Variants in PLXNA4 observed in about 807,000 individuals in gnomAD.
The protein encoded by PLXNA4 is plexin A4, also known as plexin-A4.
PLXNA4 carries 44 observed loss-of-function variants against 191.8 expected under a neutral mutation model. The observed-to-expected ratio is 0.23, with a 90% CI of 0.18 to 0.29. PLXNA4 has a LOEUF of 0.29. Among genes scored for constraint, PLXNA4 ranks in the 10% least tolerant of loss-of-function variants. The pLI is 1.00. For synonymous variants in PLXNA4, 1,082 were observed against 1,009.5 expected (o/e 1.07, Z -1.36); for missense variants, 1,800 against 2,488.8 (o/e 0.72, Z 5.89).
Position 132,176,756 on chromosome 7 carries a change from G to A in PLXNA4, c.3875-1836C>T, listed in dbSNP as rs566951224. Among the ~76,000 whole-genome samples the A allele has an allele frequency of 8.5e-4, 130 of 152,240 alleles. 1 individual carries two copies. In the South Asian group the frequency reaches 0.019, roughly 22 times the overall value. On this transcript the variant is annotated intron_variant, in intron 20 of 31. Coordinates refer to ENST00000321063, the MANE Select transcript of PLXNA4 (RefSeq NM_020911.2). ...TATGTGTGTGAATGTGAGTGCCTGC[G>A]TGGGTGTGAGTGCATGAGTGTGTGT...
Position 132,394,052 on chromosome 7 carries a change from G to A in PLXNA4, c.1371+95240C>T, listed in dbSNP as rs376334700. ...CCTTCCCCAATCCTCTGACAGCCTG[G>A]GAGTTTGCCTGGCTAGCAGCCATCC... On this transcript the variant is annotated intron_variant, in intron 3 of 31. Coordinates refer to ENST00000321063, the MANE Select transcript of PLXNA4 (RefSeq NM_020911.2). Among the ~76,000 whole-genome samples the A allele has an allele frequency of 5.3e-5, 8 of 151,822 alleles. No individual in the cohort carries two copies. The East Asian group carries it at 9.7e-4, about 18-fold the overall frequency.
At chr7:132,226,044 G>A (rs1234678793) in intron 8 of PLXNA4, 117 bp downstream of exon 8, 1 of 897,830 alleles carries the variant, frequency 1.1e-6, no homozygotes. Flanking sequence ...GGGAGTGAAG[G>A]AGGCCTCCTC....
chr7:132,188,969 GA>G (rs1157528839), intron 14 of PLXNA4, among the ~76,000 whole-genome samples: 1 of 53,422 alleles, frequency 1.9e-5, no homozygotes, highest in South Asian at 1.9e-3. Context: ...GAAAGGAAAG[GA>G]AAGGAAAGGA....
chr7:132,530,354 A>G (rs1799575415), intron 1 of PLXNA4, among the ~76,000 whole-genome samples: 1 of 152,240 alleles, frequency 6.6e-6, no homozygotes, highest in African/African-American at 2.4e-5. Context: ...TTGCAAATCA[A>G]CTATCTGATA....
intron 1 of PLXNA4, among the ~76,000 whole-genome samples, chr7:132,549,769 G>A (rs1202809159): frequency 5.3e-5 from 1 of 18,958 alleles, no homozygotes; most frequent in Non-Finnish European, 2.1e-4. Flanking sequence ...CCCTTGGGGT[G>A]AGTTGTTTGT....
chr7:132,298,294 A>G, intron 3 of PLXNA4, 72 bp from the exon 4 acceptor site: 1 of 1,536,474 alleles, frequency 6.5e-7, no homozygotes, highest in South Asian at 1.3e-5. Flanking sequence ...TCAGCCAAAG[A>G]CCCTGTCAAC....
In PLXNA4 at chr7:132,372,832, A is replaced by G. The variant is rs148390676; in HGVS notation, c.1372-74610T>C. ...TCTGGAAGCCTCAACTTTCTCACCT[A>G]TAAATAAGGAAAGTTGAGAGGCTTA... On this transcript the variant is annotated intron_variant, in intron 3 of 31. Coordinates refer to ENST00000321063, the MANE Select transcript of PLXNA4 (RefSeq NM_020911.2). 3.4e-3 allele frequency among the ~76,000 whole-genome samples: 519 copies of G among 152,306 alleles called. 2 individuals carry two copies. The highest frequency in any genetic ancestry group is 0.012 in the African/African-American group (479 of 41,572).
chr7:132,574,337 G>A (rs763340433), intron 1 of PLXNA4, among the ~76,000 whole-genome samples: 2 of 152,214 alleles, frequency 1.3e-5, no homozygotes, highest in African/African-American at 4.8e-5. Flanking sequence ...TACCTGGGAG[G>A]CACCCACTGT....
At chr7:132,218,317 A>G (rs1293133628) in intron 9 of PLXNA4, among the ~76,000 whole-genome samples, 2 of 152,120 alleles carry the variant, frequency 1.3e-5, no homozygotes, top group Admixed American at 6.5e-5. Flanking sequence ...GCCTCCTCTG[A>G]TCTTACAACT....
chr7:132,507,246 T>C (rs156958), intron 2 of PLXNA4, among the ~76,000 whole-genome samples: 140,418 of 152,202 alleles, frequency 0.92, 65,112 homozygotes, highest in Non-Finnish European at 0.97. Flanking sequence ...CCGTCATAAC[T>C]AGTGAGCCAA....
intron 3 of PLXNA4, among the ~76,000 whole-genome samples, chr7:132,307,408 T>C (rs1178019956): frequency 1.3e-5 from 2 of 152,228 alleles, no homozygotes; most frequent in East Asian, 1.9e-4. Context: ...GAAATCTTTA[T>C]CAAGGGATAT....
chr7:132,539,617 T>C (rs1799985939), intron 1 of PLXNA4, among the ~76,000 whole-genome samples: 1 of 152,202 alleles, frequency 6.6e-6, no homozygotes, highest in African/African-American at 2.4e-5. Flanking sequence ...TCTTTCCATC[T>C]GTAAGGTGGG....
intron 3 of PLXNA4, among the ~76,000 whole-genome samples, chr7:132,421,897 CTT>C (rs950581506): frequency 6.6e-6 from 1 of 152,152 alleles, no homozygotes; most frequent in African/African-American, 2.4e-5. Context: ...TACATCACTG[CTT>C]CGCTGCAACC....
At chr7:132,200,887 G>A (rs1797412252) in intron 12 of PLXNA4, among the ~76,000 whole-genome samples, 1 of 152,226 alleles carries the variant, frequency 6.6e-6, no homozygotes, top group African/African-American at 2.4e-5. Context: ...ATTAGCCTCT[G>A]TCTGGAAGAG....
chr7:132,480,477 C>T (rs1418800341), intron 3 of PLXNA4, among the ~76,000 whole-genome samples: 3 of 152,254 alleles, frequency 2.0e-5, no homozygotes, highest in African/African-American at 4.8e-5. Flanking sequence ...GTGGATAACC[C>T]GTCACAGGAA....
intron 2 of PLXNA4, among the ~76,000 whole-genome samples, chr7:132,641,267 C>A (rs925369323): frequency 2.0e-5 from 3 of 152,204 alleles, no homozygotes; most frequent in African/African-American, 7.2e-5. Flanking sequence ...AACAACAGAG[C>A]TTTATTTTGT....
intron 2 of PLXNA4, among the ~76,000 whole-genome samples, chr7:132,501,809 G>T (rs1798268684): frequency 6.6e-6 from 1 of 152,194 alleles, no homozygotes; most frequent in Non-Finnish European, 1.5e-5. Context: ...ACAGGGTCAT[G>T]GGCCATGAGA....
rs1242278385 is a variant in PLXNA4 at position 132,210,996 on chromosome 7, G to A, written c.2245C>T (p.Arg749Ter). 1 of 1,613,778 alleles carries A rather than the reference G, an allele frequency of 6.2e-7. No individual in the cohort carries two copies. The highest frequency in any genetic ancestry group is 2.2e-5 in the East Asian group (1 of 44,876). The change falls in exon 10 of 32, where the codon CGA becomes TGA. Residue 749 changes from arginine (R) to a stop codon, truncating the protein, a stop_gained. Transcript: ENST00000321063. LOFTEE classifies it high-confidence loss of function. ...CTGTTGAAGCGCAGGGCGGGCACTC[G>A]CTGCTCGCTGCCCTGAATGTTGAGG... The part of the protein sequence containing the change: ...CILNIQGSEQ[R>*]VPALRFNSSS...
At chr7:132,164,101 C>G in intron 24 of PLXNA4, 41 bp downstream of exon 24, 1 of 1,611,004 alleles carries the variant, frequency 6.2e-7, no homozygotes, top group Non-Finnish European at 8.5e-7. Flanking sequence ...GATGGAAGCC[C>G]GCCTGTCAAA....
Sources: allele counts gnomAD v4.1 joint callset (sites outside exome capture counted in the v4.1 genomes callset), GRCh38; gene constraint gnomAD v4.1.1; transcripts MANE v1.5; gene names NCBI Gene and HGNC (gene_info 2026-07-23, HGNC 2026-07-21).